STK32B: variants seen among roughly 807,000 people sequenced by gnomAD.
STK32B encodes serine/threonine-protein kinase 32B.
Under a neutral mutation model 52.6 loss-of-function variants are expected in STK32B, and 43 were observed. The ratio of observed to expected loss-of-function variants is 0.82; its 90% CI spans 0.64 to 1.05. The LOEUF (loss-of-function observed/expected upper bound fraction) is 1.05. STK32B is among the 50% of genes least tolerant of loss of function. STK32B has a pLI of 0.00. For missense variants in STK32B, 621 were observed against 534.6 expected (o/e 1.16, Z -1.59); for synonymous variants, 238 against 204.3 (o/e 1.17, Z -1.41).
At chr4:5,303,774 AT>A (rs1031598602) in intron 3 of STK32B, among the ~76,000 whole-genome samples, 1 of 151,760 alleles carries the variant, frequency 6.6e-6, no homozygotes, top group African/African-American at 2.4e-5. Context: ...TCTAGAAGGG[AT>A]TTTCCAATGT....
chr4:5,317,347 A>G (rs1305367773), intron 3 of STK32B, among the ~76,000 whole-genome samples: 19 of 28,552 alleles, frequency 6.7e-4, no homozygotes, highest in Admixed American at 1.0e-3. Context: ...TAATACATAT[A>G]TATAATATAT....
chr4:5,062,488 C>T (rs1488630786), intron 1 of STK32B, among the ~76,000 whole-genome samples: 4 of 152,252 alleles, frequency 2.6e-5, no homozygotes, highest in South Asian at 2.1e-4. Context: ...CTAAACATTA[C>T]AATGTTTAGT....
At chr4:5,443,374 C>A (rs1220484285) in intron 6 of STK32B, among the ~76,000 whole-genome samples, 2 of 152,052 alleles carry the variant, frequency 1.3e-5, no homozygotes, top group Non-Finnish European at 2.9e-5. Flanking sequence ...ATTGCTGATA[C>A]CCTTTTTCCA....
At chr4:5,196,028 C>T (rs1404665558) in intron 3 of STK32B, among the ~76,000 whole-genome samples, 6 of 152,162 alleles carry the variant, frequency 3.9e-5, no homozygotes, top group Admixed American at 2.6e-4. Flanking sequence ...GGCCTGAGAC[C>T]GGGCCTTTCA....
Position 5,357,497 on chromosome 4 carries a change from A to G in STK32B, c.434+26104A>G, listed in dbSNP as rs144850915. Among the ~76,000 whole-genome samples the G allele has an allele frequency of 7.6e-4, 115 of 152,198 alleles. 1 individual carries two copies. The highest frequency in any genetic ancestry group is 2.5e-3 in the African/African-American group (105 of 41,542). On this transcript the variant is annotated intron_variant, in intron 4 of 11. Coordinates refer to ENST00000282908, the MANE Select transcript of STK32B (RefSeq NM_018401.3). ...GGCATCAAGGATCAACCAGGCTTTT[A>G]GGAGATGATGACCCAGATTGGGTTT...
chr4:5,255,287 T>G (rs911475995), intron 3 of STK32B, among the ~76,000 whole-genome samples: 1 of 152,234 alleles, frequency 6.6e-6, no homozygotes, highest in African/African-American at 2.4e-5. Flanking sequence ...TGTCATTGTA[T>G]GTAGAAAATT....
Position 5,074,217 on chromosome 4 carries a change from C to T in STK32B, c.52+22302C>T, listed in dbSNP as rs561200883. Among the ~76,000 whole-genome samples the T allele has an allele frequency of 5.8e-3, 741 of 128,542 alleles. 3 individuals carry two copies. Among genetic ancestry groups the T allele is most frequent in the African/African-American group, 0.019 (685 of 36,516 alleles). 84.3% of individuals were successfully genotyped at this position (128,542 alleles called of 152,430 possible). A position where few individuals can be genotyped will look rare whatever the true frequency, so the allele number is the denominator to read the frequency against. ...GTGTGTGTGTGTGTGTGTGCGCGTGCGTGAAATATATTTCCTTATTTGGCT... is the reference window on the plus strand; with the variant it reads ...GTGTGTGTGTGTGTGTGTGCGCGTGTGTGAAATATATTTCCTTATTTGGCT... On this transcript the variant is annotated intron_variant, in intron 1 of 11. Coordinates refer to ENST00000282908, the MANE Select transcript of STK32B (RefSeq NM_018401.3).
chr4:5,491,037 T>C (rs2108725428), intron 11 of STK32B, among the ~76,000 whole-genome samples: 1 of 152,346 alleles, frequency 6.6e-6, no homozygotes, highest in South Asian at 2.1e-4. Context: ...TAAACAGACG[T>C]GTGCATGTGT....
At chr4:5,447,699 T>C (rs1715589460) in intron 7 of STK32B, among the ~76,000 whole-genome samples, 1 of 152,200 alleles carries the variant, frequency 6.6e-6, no homozygotes, top group African/African-American at 2.4e-5. Context: ...CAAGTATCAT[T>C]TGAAAAGGAT....
intron 11 of STK32B, among the ~76,000 whole-genome samples, chr4:5,480,282 C>T (rs138319177): frequency 0.059 from 8,941 of 152,176 alleles, 350 homozygotes; most frequent in Non-Finnish European, 0.09. Context: ...TATGAGTGAC[C>T]GTGGCCCATG....
intron 3 of STK32B, among the ~76,000 whole-genome samples, chr4:5,318,504 T>G (rs907839686): frequency 6.6e-6 from 1 of 152,030 alleles, no homozygotes. Flanking sequence ...TAAAATGAAA[T>G]TGGAGAGTCC....
intron 1 of STK32B, among the ~76,000 whole-genome samples, chr4:5,061,730 T>C (rs573691813): frequency 6.6e-6 from 1 of 152,364 alleles, no homozygotes; most frequent in South Asian, 2.1e-4. Context: ...CACTTACTGC[T>C]AGAATGTAGC....
intron 1 of STK32B, among the ~76,000 whole-genome samples, chr4:5,112,256 C>T (rs1714443965): frequency 6.6e-6 from 1 of 152,062 alleles, no homozygotes; most frequent in Non-Finnish European, 1.5e-5. Context: ...TGTCAGCATT[C>T]TCCAGAGAAA....
Position 5,460,670 on chromosome 4 carries a change from G to A in STK32B, c.909+442G>A, listed in dbSNP as rs553408229. ...GCAGGGGCTTCTTTTAGGAAGGGTC[G>A]GCAGAGACCTAGAGGTAAAGTGAGG... On this transcript the variant is annotated intron_variant, in intron 9 of 11. Transcript: ENST00000282908. This position sits in a 1 kb window ranked among gnomAD's most constrained non-coding sequence, Gnocchi z 4.8. 3.3e-5 allele frequency among the ~76,000 whole-genome samples: 5 copies of A among 152,284 alleles called. No individual in the cohort carries two copies. Among genetic ancestry groups the A allele is most frequent in the East Asian group, 3.9e-4 (2 of 5,184 alleles).
At chr4:5,075,475 T>G (rs1464869053) in intron 1 of STK32B, among the ~76,000 whole-genome samples, 1 of 152,120 alleles carries the variant, frequency 6.6e-6, no homozygotes, top group Non-Finnish European at 1.5e-5. Context: ...GTGTTTTTGA[T>G]TTTTTAAAAA....
intron 3 of STK32B, among the ~76,000 whole-genome samples, chr4:5,262,481 C>T (rs1350884418): frequency 4.6e-5 from 7 of 151,800 alleles, no homozygotes; most frequent in South Asian, 2.1e-4. Flanking sequence ...AAAAATTAGC[C>T]GGCCGTGGTG....
chr4:5,498,152 T>C (rs1262347082), intron 11 of STK32B, among the ~76,000 whole-genome samples: 1 of 152,218 alleles, frequency 6.6e-6, no homozygotes, highest in Admixed American at 6.5e-5. Flanking sequence ...AGTTCTTCCC[T>C]GCTCTAAAAA....
intron 2 of STK32B, 118 bp from the exon 3 acceptor site, chr4:5,168,181 A>G: frequency 7.4e-7 from 1 of 1,347,494 alleles, no homozygotes; most frequent in Non-Finnish European, 1.0e-6. Context: ...CTCCCCTAGC[A>G]GATTTCAAGA....
At chr4:5,188,281 A>C (rs1014695279) in intron 3 of STK32B, among the ~76,000 whole-genome samples, 6 of 152,186 alleles carry the variant, frequency 3.9e-5, no homozygotes, top group Admixed American at 3.3e-4. Context: ...TCACATCCCA[A>C]AGAGCCGCAG....
Sources: gnomAD v4.1 joint callset for allele counts (sites outside exome capture counted in the v4.1 genomes callset) on GRCh38, gnomAD v4.1.1 for gene constraint, Gnocchi (gnomAD v3.1) non-coding constraint, MANE v1.5 for transcripts, NCBI Gene and HGNC (gene_info 2026-07-23, HGNC 2026-07-21) for gene names.